PKNOX2: variants seen among roughly 807,000 people sequenced by gnomAD.
The protein encoded by PKNOX2 is homeobox protein PKNOX2.
In PKNOX2, 14 loss-of-function variants were observed where a neutral mutation model predicts 53.1. The ratio of observed to expected loss-of-function variants is 0.26; its 90% confidence interval spans 0.17 to 0.41. The LOEUF (loss-of-function observed/expected upper bound fraction) is 0.41. Among genes scored for constraint, PKNOX2 ranks in the 10% least tolerant of loss-of-function variants. PKNOX2 has a pLI of 1.00. For synonymous variants in PKNOX2, 257 were observed against 242.8 expected (o/e 1.06, Z -0.54); for missense variants, 496 against 602.8 (o/e 0.82, Z 1.85).
At chr11:125,360,270 A>G (rs945927836) in intron 4 of PKNOX2, among the ~76,000 whole-genome samples, 1 of 152,124 alleles carries the variant, frequency 6.6e-6, no homozygotes, top group Non-Finnish European at 1.5e-5. Context: ...AGTCATAACA[A>G]GCAAGACTGT....
At chr11:125,413,661 G>A (rs115777262) in intron 10 of PKNOX2, among the ~76,000 whole-genome samples, 4 of 152,198 alleles carry the variant, frequency 2.6e-5, no homozygotes, top group Non-Finnish European at 5.9e-5. Context: ...CCTTTTACCC[G>A]GCAACTTGGT....
At chr11:125,265,306 G>C (rs535692150) in intron 2 of PKNOX2, among the ~76,000 whole-genome samples, 1 of 151,888 alleles carries the variant, frequency 6.6e-6, no homozygotes, top group South Asian at 2.1e-4. Flanking sequence ...AAAAGTTACA[G>C]GGCTCATTAC....
intron 3 of PKNOX2, among the ~76,000 whole-genome samples, chr11:125,348,995 C>T (rs73618163): frequency 0.14 from 21,404 of 152,074 alleles, 3,261 homozygotes; most frequent in African/African-American, 0.38. Flanking sequence ...TCCTGGCGGA[C>T]GAGCATCTGT....
intron 5 of PKNOX2, among the ~76,000 whole-genome samples, chr11:125,371,714 G>T (rs1952560550): frequency 6.6e-6 from 1 of 152,142 alleles, no homozygotes; most frequent in Non-Finnish European, 1.5e-5. Flanking sequence ...CCCTAAGGCT[G>T]AAAGATTCTC....
rs1948927244 is a variant in PKNOX2 at position 125,313,075 on chromosome 11, G to A, written c.-129-18744G>A. 2.0e-5 allele frequency among the ~76,000 whole-genome samples: 3 copies of A among 152,168 alleles called. No homozygotes were observed. The South Asian group carries it at 6.2e-4, about 32-fold the overall frequency. ...GGCAACAGGGAGCTTAGACAGCAGG[G>A]ATGGGAAGCAGAGAGTGTTTACGGG... On this transcript the variant is annotated intron_variant, in intron 2 of 12. Transcript: ENST00000298282.
chr11:125,266,685 T>A (rs1300605151), intron 2 of PKNOX2: 1 of 152,250 alleles, frequency 6.6e-6, no homozygotes, highest in Non-Finnish European at 1.5e-5. Context: ...CCTGCCACCA[T>A]GTCCCTCTCA....
chr11:125,217,934 C>T (rs1356463285), intron 1 of PKNOX2, among the ~76,000 whole-genome samples: 4 of 152,170 alleles, frequency 2.6e-5, no homozygotes, highest in African/African-American at 9.7e-5. Context: ...CTCCTAACCT[C>T]AACTTTCTGT....
chr11:125,175,591 A>G (rs1037726202), intron 1 of PKNOX2, among the ~76,000 whole-genome samples: 1 of 152,146 alleles, frequency 6.6e-6, no homozygotes, highest in Non-Finnish European at 1.5e-5. Flanking sequence ...TATTTTGTTG[A>G]GTCATAGCTG....
rs1956221809 is a variant in PKNOX2, at chr11:125,422,522, C to T, written c.937-6490C>T. 6.6e-6 allele frequency among the ~76,000 whole-genome samples: 1 copy of T among 152,124 alleles called. No individual in the cohort carries two copies. Among genetic ancestry groups the T allele is most frequent in the Admixed American group, 6.5e-5 (1 of 15,278 alleles). On this transcript the variant is annotated intron_variant, in intron 10 of 12. Coordinates refer to ENST00000298282, the MANE Select transcript of PKNOX2 (RefSeq NM_001382323.2). This position sits in a 1 kb window ranked among gnomAD's most constrained non-coding sequence, Gnocchi z 4.1. The stretch of plus-strand genomic sequence containing the variant: ...GTGTAGCGCTGTCCCAGGGTGTGTG[C>T]CCTGCTGGCAATGTGTCCCCAGGGA...
At chr11:125,252,665 C>T (rs962096169) in intron 2 of PKNOX2, among the ~76,000 whole-genome samples, 4 of 152,066 alleles carry the variant, frequency 2.6e-5, no homozygotes, top group East Asian at 1.9e-4. Flanking sequence ...GTCCTGAAAA[C>T]GAGGACAAGG....
intron 3 of PKNOX2, among the ~76,000 whole-genome samples, chr11:125,344,743 CG>C (rs1336433402): frequency 6.6e-6 from 1 of 152,122 alleles, no homozygotes; most frequent in Non-Finnish European, 1.5e-5. Context: ...AAGGAGGACC[CG>C]GAGGGGCAGT....
rs1454826530 is a variant in PKNOX2 at position 125,402,442 on chromosome 11, C to T, written c.588+4380C>T. On this transcript the variant is annotated intron_variant, in intron 7 of 12. Transcript: ENST00000298282. ...GTATTAGTTTGACCTGAAATTCATC[C>T]TTTTTTCTCTGTGGAGATTTAAGCC... Among the ~76,000 whole-genome samples the T allele has an allele frequency of 2.0e-5, 3 of 152,156 alleles. No homozygotes were observed. In the East Asian group the frequency reaches 5.8e-4, roughly 29 times the overall value.
chr11:125,209,844 C>G (rs184849425), intron 1 of PKNOX2, among the ~76,000 whole-genome samples: 1 of 152,012 alleles, frequency 6.6e-6, no homozygotes, highest in African/African-American at 2.4e-5. Flanking sequence ...TTATACCCAC[C>G]CTGGTGTCAT....
At chr11:125,361,540 T>C (rs1312987116) in intron 4 of PKNOX2, among the ~76,000 whole-genome samples, 1 of 152,212 alleles carries the variant, frequency 6.6e-6, no homozygotes, top group Non-Finnish European at 1.5e-5. Context: ...ATCTTCTTTT[T>C]TTTATTTATT....
At chr11:125,405,612 TG>T (rs561360912) in intron 7 of PKNOX2, among the ~76,000 whole-genome samples, 116 of 152,308 alleles carry the variant, frequency 7.6e-4, no homozygotes, top group African/African-American at 2.6e-3. Flanking sequence ...AAAACTCCCC[TG>T]GGGACCACTG....
chr11:125,385,061 T>C (rs1953528447), intron 5 of PKNOX2, among the ~76,000 whole-genome samples: 1 of 152,182 alleles, frequency 6.6e-6, no homozygotes, highest in Admixed American at 6.5e-5. Flanking sequence ...GGCTCACGTA[T>C]GTCTCCTGCA....
rs34332033 is a variant in PKNOX2 at position 125,240,270 on chromosome 11, C to T, written c.-130+5155C>T. The T allele has an allele frequency of 0.18, 27,100 of 152,120 alleles. 2,561 individuals are homozygous for T. The highest frequency in any genetic ancestry group is 0.21 in the Admixed American group (3,261 of 15,282). The allele number at this position is 152,120 out of a possible 1,614,324, so 9.4% of individuals were successfully genotyped here. On this transcript the variant is annotated intron_variant, in intron 2 of 12. Transcript: ENST00000298282. This position sits in a 1 kb window ranked among gnomAD's most constrained non-coding sequence, Gnocchi z 4.3. Reference sequence around the variant, plus strand: ...TGAACGCATCTGGGAGCTGCCAAGGCGACTCTCTCAATTAATGGCTTTGTT... The same window carrying T: ...TGAACGCATCTGGGAGCTGCCAAGGTGACTCTCTCAATTAATGGCTTTGTT...
At chr11:125,198,782 T>A (rs943993772) in intron 1 of PKNOX2, among the ~76,000 whole-genome samples, 2 of 151,348 alleles carry the variant, frequency 1.3e-5, no homozygotes, top group African/African-American at 4.9e-5. Context: ...CTCCCTCACC[T>A]CTCCCTCACC....
rs759206326 is a variant in PKNOX2, at chr11:125,211,337, C to T, written c.-200-23708C>T. ...TTATGTATTCCTTTATTTGTTCAGT[C>T]ATTCATTCTACAAATATTTACTGAG... On this transcript the variant is annotated intron_variant, in intron 1 of 12. Transcript: ENST00000298282. Among the ~76,000 whole-genome samples, 29 of 152,054 alleles carry T rather than the reference C, an allele frequency of 1.9e-4. 1 individual carries two copies. Among genetic ancestry groups the T allele is most frequent in the Non-Finnish European group, 3.4e-4 (23 of 67,978 alleles).
Sources: gnomAD v4.1 joint callset for allele counts (sites outside exome capture counted in the v4.1 genomes callset) on GRCh38, gnomAD v4.1.1 for gene constraint, Gnocchi (gnomAD v3.1) non-coding constraint, MANE v1.5 for transcripts, NCBI Gene and HGNC (gene_info 2026-07-23, HGNC 2026-07-21) for gene names.